TTC3: variants seen among roughly 807,000 people sequenced by gnomAD.
The protein encoded by TTC3 is E3 ubiquitin-protein ligase TTC3.
TTC3 carries 180 observed loss-of-function variants against 249.6 expected under a neutral mutation model. The ratio of observed to expected loss-of-function variants is 0.72; its 90% CI spans 0.64 to 0.82. The LOEUF (loss-of-function observed/expected upper bound fraction) is 0.82. Ranked by LOEUF, TTC3 falls within the 40% of genes least tolerant of loss-of-function variation. The probability of loss-of-function intolerance (pLI) is 0.00; values close to 1 mark genes in which losing one functional copy is unlikely to be tolerated. For missense variants in TTC3, 2,061 were observed against 2,398.4 expected (o/e 0.86, Z 2.94); for synonymous variants, 717 against 805.0 (o/e 0.89, Z 1.85).
intron 38 of TTC3, 108 bp downstream of exon 38, chr21:37,187,253 A>G: frequency 1.3e-6 from 1 of 791,670 alleles, no homozygotes; most frequent in Non-Finnish European, 2.0e-6. Context: ...TGGTGCATAA[A>G]GGATATCCTG....
At chr21:37,133,519 G>A (rs2077651089) in intron 17 of TTC3, among the ~76,000 whole-genome samples, 1 of 152,206 alleles carries the variant, frequency 6.6e-6, no homozygotes, top group African/African-American at 2.4e-5. Context: ...ATGACAGCCT[G>A]TGAAGATGAA....
chr21:37,140,627 T>G (rs142142246), exon 20 of TTC3: 9 of 1,608,372 alleles, frequency 5.6e-6, no homozygotes, highest in Admixed American at 1.7e-5. Flanking sequence ...GGGCCTTGAT[T>G]GCTTGGCCTA....
chr21:37,176,978 C>T (rs2082335671), intron 35 of TTC3, among the ~76,000 whole-genome samples: 1 of 152,160 alleles, frequency 6.6e-6, no homozygotes, highest in African/African-American at 2.4e-5. Context: ...GACTCCCAGC[C>T]ACAAAACCCC....
exon 9 of TTC3, chr21:37,095,407 A>G: frequency 2.5e-6 from 4 of 1,607,964 alleles, no homozygotes; most frequent in East Asian, 2.2e-5. Context: ...AAGATTTGAT[A>G]TAGCTATTAT....
chr21:37,135,645 G>C (rs1174573753), intron 18 of TTC3, 131 bp downstream of exon 18: 2 of 1,104,168 alleles, frequency 1.8e-6, no homozygotes, highest in African/African-American at 3.2e-5. Flanking sequence ...ATCTACTTCA[G>C]GTTATGGGAA....
Position 37,127,699 on chromosome 21 carries a change from G to A in TTC3, c.1298-1304G>A, listed in dbSNP as rs142409376. 1.5e-3 allele frequency among the ~76,000 whole-genome samples: 224 copies of A among 152,284 alleles called. 2 individuals carry two copies. Among genetic ancestry groups the A allele is most frequent in the African/African-American group, 4.9e-3 (205 of 41,570 alleles). ...TCCTCTCTTTTCCCTTGTCTTGTTT[G>A]TTGGGTGGTTGGTTTTTCTTTCCAT... On this transcript the variant is annotated intron_variant, in intron 15 of 45. Coordinates refer to ENST00000355666, the Ensembl canonical transcript of TTC3.
chr21:37,137,987 C>T (rs968863836), intron 18 of TTC3, among the ~76,000 whole-genome samples: 7 of 152,130 alleles, frequency 4.6e-5, no homozygotes, highest in Non-Finnish European at 8.8e-5. Flanking sequence ...ACCTGTGTAA[C>T]AAACCTGCAC....
chr21:37,179,300 CAG>C (rs1471803494), intron 35 of TTC3, among the ~76,000 whole-genome samples: 3 of 152,044 alleles, frequency 2.0e-5, no homozygotes, highest in Non-Finnish European at 2.9e-5. Flanking sequence ...AAAACAAAAA[CAG>C]AGAGTTTTTC....
At chr21:37,149,522 A>G (rs2079268437) in intron 23 of TTC3, among the ~76,000 whole-genome samples, 1 of 152,276 alleles carries the variant, frequency 6.6e-6, no homozygotes, top group Admixed American at 6.5e-5. Context: ...GGTCTTAACT[A>G]TTCCCATCAT....
chr21:37,096,495 T>G lies in TTC3; in HGVS notation c.783-86T>G, dbSNP rs868042958. 4 of 1,094,374 alleles carry G rather than the reference T, an allele frequency of 3.7e-6. No homozygotes were observed. The East Asian group carries it at 7.3e-5, about 20-fold the overall frequency. 67.8% of individuals were successfully genotyped at this position (1,094,374 alleles called of 1,614,324 possible). On this transcript the variant is annotated intron_variant, in intron 9 of 45. Coordinates refer to ENST00000355666, the Ensembl canonical transcript of TTC3. ...ACACATATGTAAAGTTTAAAAAAAG[T>G]TTTCTCATGCCTTATGTTTTCTACG...
chr21:37,122,439 A>T (rs368119281), intron 12 of TTC3, among the ~76,000 whole-genome samples: 760 of 23,228 alleles, frequency 0.033, 15 homozygotes, highest in African/African-American at 0.12. Flanking sequence ...TATATATATT[A>T]TATATATATA....
rs568960852 is a variant in TTC3, at chr21:37,103,448, T to A, written c.846-4944T>A. Among the ~76,000 whole-genome samples the A allele has an allele frequency of 5.8e-4, 88 of 152,250 alleles. 1 individual carries two copies. Among genetic ancestry groups the A allele is most frequent in the African/African-American group, 2.0e-3 (84 of 41,552 alleles). On this transcript the variant is annotated intron_variant, in intron 10 of 45. Coordinates refer to ENST00000355666, the Ensembl canonical transcript of TTC3. ...GCTACCAAAAGTCAAACCTGATTAT[T>A]TAGACCCTGGGCTGCAGTGGTCTGG...
At chr21:37,152,461 A>G (rs1439269859) in intron 26 of TTC3, among the ~76,000 whole-genome samples, 1 of 146,814 alleles carries the variant, frequency 6.8e-6, no homozygotes, top group South Asian at 2.1e-4. Context: ...ATCTCGGCTC[A>G]CTGCAAGCTC....
intron 30 of TTC3, among the ~76,000 whole-genome samples, 189 bp downstream of exon 30, chr21:37,161,047 A>G (rs559029123): frequency 6.6e-6 from 1 of 152,256 alleles, no homozygotes; most frequent in African/African-American, 2.4e-5. Context: ...ATATAATAGC[A>G]AGTCTTGACA....
chr21:37,152,987 A>G (rs757094574), exon 27 of TTC3: 2 of 1,607,670 alleles, frequency 1.2e-6, no homozygotes, highest in Non-Finnish European at 1.7e-6. Flanking sequence ...CAGTTCCTTG[A>G]TGACAGAATT....
intron 28 of TTC3, 53 bp downstream of exon 28, chr21:37,156,959 A>G (rs929691928): frequency 1.3e-6 from 2 of 1,572,110 alleles, no homozygotes; most frequent in African/African-American, 1.4e-5. Flanking sequence ...GGGGGAAAAA[A>G]TCTGTGAAGG....
At chr21:37,182,865 T>G in exon 36 of TTC3, 1 of 1,591,934 alleles carries the variant, frequency 6.3e-7, no homozygotes, top group Non-Finnish European at 8.5e-7. Flanking sequence ...CAAGAAAGAC[T>G]AAAATCACTG....
chr21:37,178,799 A>C (rs530953143), intron 35 of TTC3, among the ~76,000 whole-genome samples: 8 of 152,226 alleles, frequency 5.3e-5, no homozygotes, highest in African/African-American at 1.7e-4. Flanking sequence ...ATCTCTACAA[A>C]AAGTTAAAAA....
intron 17 of TTC3, among the ~76,000 whole-genome samples, chr21:37,134,214 G>A (rs1293950656): frequency 2.6e-5 from 4 of 152,118 alleles, no homozygotes; most frequent in Non-Finnish European, 5.9e-5. Context: ...CATTTTGGGA[G>A]GCCGAGGCAG....
Sources: allele counts gnomAD v4.1 joint callset (sites outside exome capture counted in the v4.1 genomes callset), GRCh38; gene constraint gnomAD v4.1.1; transcripts MANE v1.5; gene names NCBI Gene and HGNC (gene_info 2026-07-23, HGNC 2026-07-21).